Variants in CTNNA3 observed in about 807,000 individuals in gnomAD.
The protein encoded by CTNNA3 is catenin alpha-3.
A neutral mutation model predicts 95.7 loss-of-function variants in CTNNA3; 76 were observed. The ratio of observed to expected loss-of-function variants is 0.79; its 90% CI spans 0.66 to 0.96. CTNNA3 has a LOEUF of 0.96. Ranked by LOEUF, CTNNA3 falls within the 40% of genes least tolerant of loss-of-function variation. CTNNA3 has a pLI of 0.00. For synonymous variants in CTNNA3, 431 were observed against 374.4 expected, an observed-to-expected ratio of 1.15 and a Z score of -1.74; for missense variants, 1,191 against 1,089.8, an observed-to-expected ratio of 1.09 and a Z score of -1.31.
intron 13 of CTNNA3, among the ~76,000 whole-genome samples, chr10:66,106,323 GTGTGTGTGTGTGTT>G (rs1210228499): frequency 7.7e-5 from 10 of 130,372 alleles, no homozygotes; most frequent in African/African-American, 2.3e-4. Context: ...TGGAAGTTTT[GTGTGTGTGTGTGTT>G]TGTGTGTGTG....
chr10:67,483,600 G>A (rs542132104), intron 5 of CTNNA3, among the ~76,000 whole-genome samples: 98 of 151,270 alleles, frequency 6.5e-4, no homozygotes, highest in Middle Eastern at 3.4e-3. Context: ...ACACTCTGGG[G>A]ACTGTTGTGG....
chr10:66,528,001 A>G (rs7090322), intron 10 of CTNNA3, among the ~76,000 whole-genome samples: 29,352 of 152,032 alleles, frequency 0.19, 3,507 homozygotes, highest in East Asian at 0.57. Context: ...GGATTGATTG[A>G]GGTTATAGGA....
chr10:66,543,740 C>A (rs181023557), intron 10 of CTNNA3, among the ~76,000 whole-genome samples: 3 of 151,424 alleles, frequency 2.0e-5, no homozygotes, highest in Admixed American at 1.3e-4. Context: ...AATCTTATTT[C>A]AATTATAAGG....
intron 13 of CTNNA3, among the ~76,000 whole-genome samples, chr10:66,112,778 A>C (rs2082166473): frequency 6.6e-6 from 1 of 151,716 alleles, no homozygotes; most frequent in Non-Finnish European, 1.5e-5. Context: ...CAAGGTTCAC[A>C]CTTGTCGTTG....
At chr10:67,731,642 A>G (rs894560351) in intron 1 of CTNNA3, among the ~76,000 whole-genome samples, 1 of 151,900 alleles carries the variant, frequency 6.6e-6, no homozygotes, top group South Asian at 2.1e-4. Context: ...CTCTACTAAA[A>G]ATACAAAAAG....
At chr10:67,539,457 A>G in intron 4 of CTNNA3, 46 bp downstream of exon 4, 2 of 1,598,156 alleles carry the variant, frequency 1.3e-6, no homozygotes, top group Non-Finnish European at 1.7e-6. Flanking sequence ...GAATGAAATT[A>G]GAAGTGAAGA....
At chr10:66,133,375 C>A (rs990362659) in intron 13 of CTNNA3, among the ~76,000 whole-genome samples, 1 of 151,740 alleles carries the variant, frequency 6.6e-6, no homozygotes, top group African/African-American at 2.4e-5. Flanking sequence ...ATTAGCCAGG[C>A]GTGGTGGCAG....
At chr10:67,190,737 T>A (rs1184785992) in intron 6 of CTNNA3, among the ~76,000 whole-genome samples, 1 of 151,974 alleles carries the variant, frequency 6.6e-6, no homozygotes, top group Admixed American at 6.6e-5. Flanking sequence ...TTACACTGTT[T>A]AAACTATTAC....
At chr10:67,579,763 G>T (rs926498095) in intron 3 of CTNNA3, among the ~76,000 whole-genome samples, 1 of 152,088 alleles carries the variant, frequency 6.6e-6, no homozygotes, top group Non-Finnish European at 1.5e-5. Context: ...GTGTGAGATG[G>T]TATCTCATTG....
chr10:66,638,590 G>A (rs1845413655), intron 9 of CTNNA3, among the ~76,000 whole-genome samples: 1 of 152,062 alleles, frequency 6.6e-6, no homozygotes, highest in Non-Finnish European at 1.5e-5. Flanking sequence ...GCCAGTCCCT[G>A]CTGTCTTCCT....
At chr10:67,688,228 G>A (rs1028425734) in intron 1 of CTNNA3, among the ~76,000 whole-genome samples, 1 of 152,032 alleles carries the variant, frequency 6.6e-6, no homozygotes, top group African/African-American at 2.4e-5. Flanking sequence ...ACCCGGGTTG[G>A]GCCAAATTCC....
intron 9 of CTNNA3, among the ~76,000 whole-genome samples, chr10:66,719,284 G>C (rs540890190): frequency 1.1e-3 from 167 of 152,128 alleles, no homozygotes; most frequent in African/African-American, 3.9e-3. Context: ...TACAATGTCG[G>C]TGTATCAATA....
intron 7 of CTNNA3, among the ~76,000 whole-genome samples, chr10:67,109,366 C>A (rs902299563): frequency 1.3e-5 from 2 of 152,146 alleles, no homozygotes; most frequent in African/African-American, 4.8e-5. Context: ...ATAAGTATTT[C>A]TTTCCTTAGC....
At chr10:66,082,189 A>C (rs547753323) in intron 14 of CTNNA3, among the ~76,000 whole-genome samples, 66 of 152,048 alleles carry the variant, frequency 4.3e-4, no homozygotes, top group Non-Finnish European at 5.0e-4. Context: ...AAAAAAAAAA[A>C]ACTTAGTTTT....
At chr10:67,058,682 A>C (rs1196173948) in intron 7 of CTNNA3, among the ~76,000 whole-genome samples, 1 of 152,120 alleles carries the variant, frequency 6.6e-6, no homozygotes, top group Non-Finnish European at 1.5e-5. Flanking sequence ...AGAAACATGA[A>C]GGATAACCAC....
At chr10:67,728,969 A>G (rs1015776304) in intron 1 of CTNNA3, among the ~76,000 whole-genome samples, 4 of 152,154 alleles carry the variant, frequency 2.6e-5, no homozygotes, top group African/African-American at 9.7e-5. Flanking sequence ...CCTCCTTTAA[A>G]GCTTCCATAT....
At chr10:66,710,350 AAG>A (rs1267279701) in intron 9 of CTNNA3, among the ~76,000 whole-genome samples, 5 of 152,244 alleles carry the variant, frequency 3.3e-5, no homozygotes, top group African/African-American at 1.2e-4. Flanking sequence ...TGAAATTTAA[AAG>A]AGTCAAGACA....
chr10:66,813,815 C>T (rs1021355875), intron 7 of CTNNA3, among the ~76,000 whole-genome samples: 3 of 148,504 alleles, frequency 2.0e-5, no homozygotes, highest in African/African-American at 7.5e-5. Flanking sequence ...TAGAGAAAGA[C>T]TATTTGGGGG....
intron 11 of CTNNA3, among the ~76,000 whole-genome samples, chr10:66,443,751 C>G (rs1032539794): frequency 6.6e-5 from 10 of 152,074 alleles, no homozygotes; most frequent in Non-Finnish European, 1.5e-4. Flanking sequence ...ACCAGAAACT[C>G]TAAAAAGCAG....
Sources: gnomAD v4.1 joint callset for allele counts (sites outside exome capture counted in the v4.1 genomes callset) on GRCh38, gnomAD v4.1.1 for gene constraint, MANE v1.5 for transcripts, NCBI Gene and HGNC (gene_info 2026-07-23, HGNC 2026-07-21) for gene names.